TRPC5: variants seen among roughly 807,000 people sequenced by gnomAD.
The protein encoded by TRPC5 is transient receptor potential cation channel subfamily C member 5.
In TRPC5, 9 loss-of-function variants were observed where a neutral mutation model predicts 56.5. The ratio of observed to expected loss-of-function variants is 0.16; its 90% CI spans 0.10 to 0.28. The LOEUF (loss-of-function observed/expected upper bound fraction) is 0.28. Among genes scored for constraint, TRPC5 ranks in the 10% least tolerant of loss-of-function variants. TRPC5 has a pLI of 1.00. For missense variants in TRPC5, 469 were observed against 748.9 expected (o/e 0.63, Z 4.36); for synonymous variants, 282 against 278.5 (o/e 1.01, Z -0.13).
chrX:111,973,806 A>C (rs998397788), intron 1 of TRPC5, among the ~76,000 whole-genome samples: 1 of 112,296 alleles, frequency 8.9e-6, no homozygotes, highest in Admixed American at 9.5e-5. Context: ...ATTTTACTTC[A>C]TTTACAGGAG....
chrX:111,932,905 C>T (rs1157726250), intron 2 of TRPC5, among the ~76,000 whole-genome samples: 1 of 111,842 alleles, frequency 8.9e-6, no homozygotes, highest in East Asian at 2.8e-4. Context: ...ACCAACTTTT[C>T]ACTCCAGTAC....
At chrX:111,955,661 A>C (rs993603154) in intron 1 of TRPC5, among the ~76,000 whole-genome samples, 3 of 111,814 alleles carry the variant, frequency 2.7e-5, no homozygotes, top group African/African-American at 9.8e-5. Context: ...CCTCACTCAT[A>C]GCTTTAGCCT....
chrX:111,992,429 T>C (rs1928378800), intron 1 of TRPC5, among the ~76,000 whole-genome samples: 1 of 111,441 alleles, frequency 9.0e-6, no homozygotes, highest in African/African-American at 3.3e-5. Context: ...AGAAAAATTA[T>C]CATATGGCAT....
chrX:112,023,234 G>GTTTTTTTT lies in TRPC5; in HGVS notation c.-22+58637_-22+58644dup, dbSNP rs749260030. 1.3e-4 allele frequency among the ~76,000 whole-genome samples: 6 copies of GTTTTTTTT among 45,961 alleles called. 1 individual carries two copies. The highest frequency in any genetic ancestry group is 4.0e-4 in the African/African-American group (5 of 12,462). 39.9% of individuals were successfully genotyped at this position (45,961 alleles called of 115,157 possible). A position where few individuals can be genotyped will look rare whatever the true frequency, so the allele number is the denominator to read the frequency against. ...CAGGCGTGAGCCACTGCGCCCAGCA[G>GTTTTTTTT]TTTTTTTTTTTGTTTTTTTTTTTTT... On this transcript the variant is annotated intron_variant, in intron 1 of 10. Coordinates refer to ENST00000262839, the MANE Select transcript of TRPC5 (RefSeq NM_012471.3).
intron 7 of TRPC5, among the ~76,000 whole-genome samples, chrX:111,833,602 C>A (rs994269347): frequency 4.5e-5 from 5 of 111,373 alleles, no homozygotes; most frequent in Non-Finnish European, 7.5e-5. Context: ...TTAGGAATTT[C>A]TCCCAAATAG....
At chrX:111,997,387 T>A (rs766432612) in intron 1 of TRPC5, among the ~76,000 whole-genome samples, 2 of 112,004 alleles carry the variant, frequency 1.8e-5, no homozygotes, top group East Asian at 5.7e-4. Flanking sequence ...CTGATGGGCT[T>A]TCCCTTGTGT....
rs1931001362 is a variant in TRPC5 at position 112,082,636 on chromosome X, C to T, written c.-779G>A. The T allele has an allele frequency of 9.1e-6, 1 of 110,280 alleles. No individual in the cohort carries two copies. Among genetic ancestry groups the T allele is most frequent in the African/African-American group, 3.3e-5 (1 of 30,171 alleles). 9.1% of individuals were successfully genotyped at this position (110,280 alleles called of 1,213,427 possible). A position where few individuals can be genotyped will look rare whatever the true frequency, so the allele number is the denominator to read the frequency against. ...GGCACGCTCCCTTTATCCTCCCCAC[C>T]CCTGTCTCCAAAAATGTCCAACCCT... On this transcript the variant is annotated 5_prime_UTR_variant, in exon 1 of 11. Transcript: ENST00000262839.
chrX:111,947,844 C>T (rs1398272742), intron 2 of TRPC5, among the ~76,000 whole-genome samples: 1 of 111,831 alleles, frequency 8.9e-6, no homozygotes, highest in Admixed American at 9.5e-5. Flanking sequence ...AGAGAAAGTC[C>T]TGCTCTCTTA....
intron 7 of TRPC5, among the ~76,000 whole-genome samples, chrX:111,788,181 C>T (rs371968039): frequency 4.5e-5 from 5 of 111,662 alleles, no homozygotes; most frequent in East Asian, 2.8e-4. Context: ...ACTGGCAAAC[C>T]GAATCCAGCA....
intron 7 of TRPC5, among the ~76,000 whole-genome samples, chrX:111,786,834 G>A (rs1246418375): frequency 8.9e-6 from 1 of 111,803 alleles, no homozygotes; most frequent in Non-Finnish European, 1.9e-5. Flanking sequence ...ATTACATAAT[G>A]TTAAAGGGAT....
intron 1 of TRPC5, among the ~76,000 whole-genome samples, chrX:111,975,446 C>A (rs1288628116): frequency 1.8e-5 from 2 of 110,309 alleles, no homozygotes; most frequent in Non-Finnish European, 3.8e-5. Flanking sequence ...TATATTATTA[C>A]TTTAAGTTCT....
At chrX:111,994,764 A>T (rs1267044381) in intron 1 of TRPC5, among the ~76,000 whole-genome samples, 1 of 111,562 alleles carries the variant, frequency 9.0e-6, no homozygotes, top group Non-Finnish European at 1.9e-5. Flanking sequence ...GTATCCTGAG[A>T]CTTTGCTGAA....
At chrX:111,932,078 C>A (rs1431462527) in intron 2 of TRPC5, among the ~76,000 whole-genome samples, 2 of 111,009 alleles carry the variant, frequency 1.8e-5, no homozygotes, top group Non-Finnish European at 3.8e-5. Context: ...TAATCCTGGG[C>A]AGCACCAATA....
intron 1 of TRPC5, among the ~76,000 whole-genome samples, chrX:112,069,281 CT>C (rs749264881): frequency 1.3e-3 from 147 of 111,936 alleles, no homozygotes; most frequent in African/African-American, 4.6e-3. Flanking sequence ...CAGTATAGTG[CT>C]TTTGACACCA....
chrX:111,821,401 G>A (rs1259735972), intron 7 of TRPC5, among the ~76,000 whole-genome samples: 2 of 111,607 alleles, frequency 1.8e-5, no homozygotes, highest in African/African-American at 6.5e-5. Flanking sequence ...AAGAAAAGCG[G>A]ATTTACCTTG....
intron 1 of TRPC5, among the ~76,000 whole-genome samples, chrX:111,980,911 G>A (rs866995163): frequency 1.1e-5 from 1 of 93,897 alleles, no homozygotes; most frequent in Non-Finnish European, 2.1e-5. Flanking sequence ...TTATATATAT[G>A]TATATATATA....
intron 3 of TRPC5, chrX:111,903,506 C>T (rs938567824): frequency 8.9e-6 from 1 of 112,001 alleles, no homozygotes; most frequent in Non-Finnish European, 1.9e-5. Flanking sequence ...AGCTGGTAGG[C>T]GATTGACATA....
intron 3 of TRPC5, among the ~76,000 whole-genome samples, chrX:111,905,772 G>A (rs573238619): frequency 3.3e-3 from 366 of 109,693 alleles, no homozygotes; most frequent in Non-Finnish European, 5.7e-3. Context: ...AAAATTAGCT[G>A]GGCGTGGTGG....
chrX:112,000,495 G>T (rs1928669770), intron 1 of TRPC5, among the ~76,000 whole-genome samples: 1 of 111,922 alleles, frequency 8.9e-6, no homozygotes, highest in Non-Finnish European at 1.9e-5. Context: ...GAGCAGCGTG[G>T]GCTTTGGAGT....
Sources: allele counts gnomAD v4.1 joint callset (sites outside exome capture counted in the v4.1 genomes callset), GRCh38; gene constraint gnomAD v4.1.1; transcripts MANE v1.5; gene names NCBI Gene and HGNC (gene_info 2026-07-23, HGNC 2026-07-21).